The following LOC400499 variants were observed in gnomAD, a reference collection of about 807,000 sequenced individuals.
chr16:11,519,133 G>T, the LOC400499 span, among the ~76,000 whole-genome samples: 1 of 152,190 alleles, frequency 6.6e-6, no homozygotes, highest in Non-Finnish European at 1.5e-5. Flanking sequence ...AAGCCTGGGT[G>T]GTGAAGGCCG....
the LOC400499 span, among the ~76,000 whole-genome samples, chr16:11,467,656 A>G: frequency 2.6e-5 from 4 of 152,098 alleles, no homozygotes; most frequent in African/African-American, 9.7e-5. Context: ...AAACATGACA[A>G]CTGGGTTTTC....
At chr16:11,465,713 C>T in the LOC400499 span, among the ~76,000 whole-genome samples, 893 of 150,494 alleles carry the variant, frequency 5.9e-3, 10 homozygotes, top group African/African-American at 0.021. Flanking sequence ...TTTGAGGCTG[C>T]AGTGATCTAC....
At chr16:11,452,945 G>A in the LOC400499 span, among the ~76,000 whole-genome samples, 2 of 152,166 alleles carry the variant, frequency 1.3e-5, 1 homozygote, top group African/African-American at 4.8e-5. Context: ...CTGGTTCTTG[G>A]TTTCTTTTTC....
the LOC400499 span, chr16:11,407,180 C>G: frequency 2.5e-6 from 1 of 399,030 alleles, no homozygotes; most frequent in Non-Finnish European, 4.4e-6. Context: ...TGCTCCGGCC[C>G]TGGGCTGACC....
chr16:11,495,218 A>G, the LOC400499 span, among the ~76,000 whole-genome samples: 1 of 151,630 alleles, frequency 6.6e-6, no homozygotes, highest in African/African-American at 2.4e-5. Flanking sequence ...CCAAAAAAAA[A>G]AAAAAAAAAG....
At chr16:11,485,859 G>A in the LOC400499 span, among the ~76,000 whole-genome samples, 3 of 152,210 alleles carry the variant, frequency 2.0e-5, no homozygotes, top group Non-Finnish European at 1.5e-5. Context: ...GATGAAAGAT[G>A]GATGAGTGGG....
chr16:11,374,689 T>G, the LOC400499 span, among the ~76,000 whole-genome samples: 2 of 152,130 alleles, frequency 1.3e-5, no homozygotes, highest in South Asian at 2.1e-4. Context: ...GAATCATGAT[T>G]GATTGTATGG....
chr16:11,504,863 C>T, the LOC400499 span, among the ~76,000 whole-genome samples: 1 of 152,008 alleles, frequency 6.6e-6, no homozygotes, highest in East Asian at 1.9e-4. Context: ...GCAGAGGTTA[C>T]AGTGAGCCAA....
At chr16:11,498,433 G>A in the LOC400499 span, among the ~76,000 whole-genome samples, 6 of 152,168 alleles carry the variant, frequency 3.9e-5, no homozygotes, top group African/African-American at 7.2e-5. Flanking sequence ...AGTGAGCCGA[G>A]ATTGCGCCAC....
At chr16:11,478,796 A>C in the LOC400499 span, 3 of 396,150 alleles carry the variant, frequency 7.6e-6, no homozygotes, top group East Asian at 3.6e-5. Flanking sequence ...TAATTCCCAC[A>C]TGCTGTGGGA....
chr16:11,399,221 T>C, the LOC400499 span: 2 of 985,146 alleles, frequency 2.0e-6, no homozygotes, highest in Non-Finnish European at 2.4e-6. Flanking sequence ...TCCCACCTTC[T>C]TCCCCATCTG....
the LOC400499 span, chr16:11,475,598 A>C: frequency 2.5e-6 from 1 of 398,612 alleles, no homozygotes; most frequent in African/African-American, 2.1e-5. Flanking sequence ...ACCTTGGTAC[A>C]ATGTCATGGA....
chr16:11,432,777 G>T, the LOC400499 span, among the ~76,000 whole-genome samples: 2 of 152,192 alleles, frequency 1.3e-5, no homozygotes, highest in Non-Finnish European at 2.9e-5. Flanking sequence ...TGTGGACTGT[G>T]TGTGTGCACT....
chr16:11,418,062 C>T, the LOC400499 span, among the ~76,000 whole-genome samples: 2 of 152,148 alleles, frequency 1.3e-5, no homozygotes, highest in Non-Finnish European at 2.9e-5. Flanking sequence ...GCGGAGAAAC[C>T]AATCAGGAAG....
the LOC400499 span, chr16:11,384,212 TCAC>T: frequency 8.1e-7 from 1 of 1,227,596 alleles, no homozygotes. Context: ...GTGCACCCGC[TCAC>T]CTGCCAGGCC....
At chr16:11,392,686 C>T in the LOC400499 span, 1 of 787,646 alleles carries the variant, frequency 1.3e-6, no homozygotes, top group Non-Finnish European at 1.5e-6. Flanking sequence ...TCTGTCCCCT[C>T]CCCCGACACG....
At chr16:11,402,911 G>A in the LOC400499 span, among the ~76,000 whole-genome samples, 1 of 152,068 alleles carries the variant, frequency 6.6e-6, no homozygotes, top group African/African-American at 2.4e-5. Flanking sequence ...GGTGCCCTGT[G>A]CCCCCTCGGA....
At chr16:11,501,411 G>A in the LOC400499 span, among the ~76,000 whole-genome samples, 1 of 152,240 alleles carries the variant, frequency 6.6e-6, no homozygotes, top group South Asian at 2.1e-4. Context: ...AGGCTGCAGT[G>A]CAGTGGTGCG....
chr16:11,461,001 G>A, the LOC400499 span: 31 of 1,535,936 alleles, frequency 2.0e-5, no homozygotes, highest in Non-Finnish European at 2.7e-5. Context: ...AGTTGGTCCA[G>A]AGCTGGCCCC....
Sources: allele counts gnomAD v4.1 joint callset (sites outside exome capture counted in the v4.1 genomes callset), GRCh38; gene constraint gnomAD v4.1.1; transcripts MANE v1.5.